Variants in KRABD2 observed in about 807,000 individuals in gnomAD.
KRABD2 encodes KRAB domain containing 2.
chr17:8,376,058 A>G, the KRABD2 span: 7 of 1,231,676 alleles, frequency 5.7e-6, no homozygotes, highest in Non-Finnish European at 7.1e-6. Context: ...CACTCACTGG[A>G]GCACTTCGCT....
At chr17:8,369,796 T>G in the KRABD2 span, 2 of 1,614,266 alleles carry the variant, frequency 1.2e-6, no homozygotes, top group South Asian at 2.2e-5. Context: ...CCATCGGCAC[T>G]GGACTGCATG....
chr17:8,368,521 T>A, the KRABD2 span: 1 of 152,228 alleles, frequency 6.6e-6, no homozygotes, highest in Non-Finnish European at 1.5e-5. Flanking sequence ...AGGCATGGAA[T>A]GGATTCTCCC....
chr17:8,362,966 A>C, the KRABD2 span, among the ~76,000 whole-genome samples: 1 of 152,214 alleles, frequency 6.6e-6, no homozygotes, highest in Non-Finnish European at 1.5e-5. The surrounding 1 kb of genome is among the most constrained non-coding windows in gnomAD (Gnocchi z 4.2). Flanking sequence ...AAGTTCAAGG[A>C]GGGGTGATAA....
the KRABD2 span, chr17:8,369,338 C>A: frequency 6.2e-7 from 1 of 1,614,090 alleles, no homozygotes; most frequent in Non-Finnish European, 8.5e-7. Flanking sequence ...TTTCCCGGGG[C>A]AAGTTTGAGG....
At chr17:8,369,038 C>T in the KRABD2 span, 1 of 1,494,100 alleles carries the variant, frequency 6.7e-7, no homozygotes. Context: ...CCTGAGAGTG[C>T]AGCCTTCAAT....
At chr17:8,369,982 GT>G in the KRABD2 span, 1 of 1,614,138 alleles carries the variant, frequency 6.2e-7, no homozygotes, top group South Asian at 1.1e-5. Flanking sequence ...TTGAGCATGC[GT>G]GTCCGCCCAC....
chr17:8,365,997 G>C, the KRABD2 span, among the ~76,000 whole-genome samples: 8 of 151,852 alleles, frequency 5.3e-5, no homozygotes, highest in African/African-American at 1.9e-4. Flanking sequence ...CGTGGTTGGC[G>C]GGCGCCTGTA....
chr17:8,371,621 T>C, the KRABD2 span: 2 of 1,445,504 alleles, frequency 1.4e-6, no homozygotes, highest in Non-Finnish European at 1.8e-6. Context: ...TGAGTACAGC[T>C]TCATGGATGA....
the KRABD2 span, chr17:8,369,563 A>G: frequency 6.2e-7 from 1 of 1,614,194 alleles, no homozygotes; most frequent in Non-Finnish European, 8.5e-7. Context: ...GGTGGTACTT[A>G]CCAGATACAA....
the KRABD2 span, chr17:8,371,928 A>G: frequency 1.0e-6 from 1 of 992,134 alleles, no homozygotes; most frequent in African/African-American, 1.7e-5. Flanking sequence ...TCAGTTGTCT[A>G]AACTGGGATT....
chr17:8,370,920 G>C, the KRABD2 span, among the ~76,000 whole-genome samples: 1 of 152,148 alleles, frequency 6.6e-6, no homozygotes, highest in Non-Finnish European at 1.5e-5. Context: ...TGTAATCCCA[G>C]CACTTTGGGA....
chr17:8,359,671 C>T, the KRABD2 span: 2 of 455,896 alleles, frequency 4.4e-6, no homozygotes, highest in Non-Finnish European at 8.8e-6. Flanking sequence ...TACAGAGGGC[C>T]CCTGCACCTA....
the KRABD2 span, among the ~76,000 whole-genome samples, chr17:8,371,023 G>A: frequency 6.6e-6 from 1 of 151,948 alleles, no homozygotes; most frequent in South Asian, 2.1e-4. Context: ...ACAAAATTTA[G>A]CCAGGTGTAG....
chr17:8,359,676 C>A, the KRABD2 span: 5 of 455,884 alleles, frequency 1.1e-5, no homozygotes, highest in African/African-American at 1.0e-4. Flanking sequence ...AGGGCCCCTG[C>A]ACCTACAGAT....
At chr17:8,368,909 T>C in the KRABD2 span, 1 of 658,092 alleles carries the variant, frequency 1.5e-6, no homozygotes. Context: ...AGTGCTGGGA[T>C]TACGGGCATG....
At chr17:8,373,223 A>G in the KRABD2 span, among the ~76,000 whole-genome samples, 4 of 151,952 alleles carry the variant, frequency 2.6e-5, no homozygotes, top group Non-Finnish European at 4.4e-5. Context: ...CTCTGATGCC[A>G]AGCCGAGGCT....
the KRABD2 span, among the ~76,000 whole-genome samples, chr17:8,364,023 C>T: frequency 6.6e-6 from 1 of 151,620 alleles, no homozygotes; most frequent in East Asian, 1.9e-4. The surrounding 1 kb of genome is among the most constrained non-coding windows in gnomAD (Gnocchi z 4.4). Context: ...CGCCTGCCAC[C>T]ACACCCAGCT....
chr17:8,368,404 C>A, the KRABD2 span, among the ~76,000 whole-genome samples: 1 of 152,080 alleles, frequency 6.6e-6, no homozygotes, highest in Non-Finnish European at 1.5e-5. Context: ...AAAATTATGG[C>A]CTTCTCAGGG....
At chr17:8,370,072 G>A in the KRABD2 span, 14 of 1,613,866 alleles carry the variant, frequency 8.7e-6, no homozygotes, top group African/African-American at 6.7e-5. Flanking sequence ...ATTCGATCAC[G>A]TTCTCCATGA....
Sources: gnomAD v4.1 joint callset for allele counts (sites outside exome capture counted in the v4.1 genomes callset) on GRCh38, gnomAD v4.1.1 for gene constraint, Gnocchi (gnomAD v3.1) non-coding constraint, MANE v1.5 for transcripts, NCBI Gene and HGNC (gene_info 2026-07-23, HGNC 2026-07-21) for gene names.